Variants in DCLK1 observed in about 807,000 individuals in gnomAD.
DCLK1 encodes the protein serine/threonine-protein kinase DCLK1.
Under a neutral mutation model 86.2 loss-of-function variants are expected in DCLK1, and 16 were observed. The ratio of observed to expected loss-of-function variants is 0.19; its 90% CI spans 0.13 to 0.28. The LOEUF (loss-of-function observed/expected upper bound fraction) is 0.28. Ranked by LOEUF, DCLK1 falls within the 10% of genes least tolerant of loss-of-function variation. The pLI is 1.00. For missense variants in DCLK1, 590 were observed against 940.2 expected (o/e 0.63, Z 4.87); for synonymous variants, 369 against 370.5 (o/e 1.00, Z 0.05).
intron 3 of DCLK1, among the ~76,000 whole-genome samples, chr13:36,065,268 G>T (rs1276195023): frequency 7.9e-5 from 12 of 152,176 alleles, no homozygotes; most frequent in Admixed American, 3.3e-4. Context: ...ACATCTTACA[G>T]GGTTGTTGTG....
At chr13:36,003,917 T>G (rs1880835184) in intron 3 of DCLK1, among the ~76,000 whole-genome samples, 1 of 152,234 alleles carries the variant, frequency 6.6e-6, no homozygotes, top group Admixed American at 6.5e-5. Flanking sequence ...AAAATTTAAG[T>G]TTTCTTATTA....
chr13:35,858,002 G>A (rs72652884), intron 5 of DCLK1, among the ~76,000 whole-genome samples: 2,425 of 152,266 alleles, frequency 0.016, 23 homozygotes, highest in Middle Eastern at 0.051. Flanking sequence ...TATCCAAAGG[G>A]CAATGAGAAG....
rs1329092166 is a variant in DCLK1 at position 35,769,537 on chromosome 13, A to C, written c.*4998T>G. On this transcript the variant is annotated 3_prime_UTR_variant, in exon 17 of 17. Coordinates refer to ENST00000360631, the MANE Select transcript of DCLK1 (RefSeq NM_001330071.2). ...CAATTTCTTTTTATTTTTTCTGAGA[A>C]TACACCAAAGATTAATGTCAATGGC... 1.3e-5 allele frequency: 2 copies of C among 152,176 alleles called. No individual in the cohort carries two copies. Among genetic ancestry groups the C allele is most frequent in the Non-Finnish European group, 2.9e-5 (2 of 68,020 alleles). The allele number at this position is 152,176 out of a possible 1,614,324, so 9.4% of individuals were successfully genotyped here. A position where few individuals can be genotyped will look rare whatever the true frequency, so the allele number is the denominator to read the frequency against.
intron 3 of DCLK1, among the ~76,000 whole-genome samples, chr13:36,059,097 T>C (rs1264152724): frequency 1.3e-5 from 2 of 152,184 alleles, no homozygotes; most frequent in African/African-American, 4.8e-5. Context: ...CCAAATCAGA[T>C]GGCAAATCAT....
chr13:35,796,239 T>C, intron 15 of DCLK1, among the ~76,000 whole-genome samples: 1 of 152,146 alleles, frequency 6.6e-6, no homozygotes, highest in East Asian at 1.9e-4. Context: ...GGCAAAATGA[T>C]CAAATGAGCT....
intron 15 of DCLK1, among the ~76,000 whole-genome samples, chr13:35,799,840 C>A (rs2086884172): frequency 1.3e-5 from 2 of 152,104 alleles, no homozygotes; most frequent in African/African-American, 4.8e-5. Flanking sequence ...AGTGACTCAA[C>A]CCCCTTTCTA....
chr13:35,813,731 T>C (rs1350981340), intron 11 of DCLK1, among the ~76,000 whole-genome samples: 8 of 62,528 alleles, frequency 1.3e-4, no homozygotes, highest in African/African-American at 4.6e-4. Flanking sequence ...CCCGCCCCGC[T>C]TTTTTTTTTT....
intron 4 of DCLK1, among the ~76,000 whole-genome samples, chr13:35,943,965 C>T (rs890815771): frequency 2.0e-5 from 3 of 152,176 alleles, no homozygotes; most frequent in Non-Finnish European, 2.9e-5. Context: ...TAGCCACCAT[C>T]TCCAAGGTGC....
chr13:35,976,525 G>GTTTTT lies in DCLK1; in HGVS notation c.724-29073_724-29069dup, dbSNP rs11294824. On this transcript the variant is annotated intron_variant, in intron 3 of 16. Coordinates refer to ENST00000360631, the MANE Select transcript of DCLK1 (RefSeq NM_001330071.2). ...CTCCCAGCACTTCAGCTTCTCCGAG[G>GTTTTT]TTTTTTTTTTTTTTTTTTTTTTTGA... Among the ~76,000 whole-genome samples, 113 of 56,368 alleles carry GTTTTT rather than the reference G, an allele frequency of 2.0e-3. 12 individuals carry two copies. The highest frequency in any genetic ancestry group is 0.012 in the Admixed American group (40 of 3,268). The allele number at this position is 56,368 out of a possible 152,430, so 37.0% of individuals were successfully genotyped here.
intron 16 of DCLK1, among the ~76,000 whole-genome samples, 178 bp downstream of exon 16, chr13:35,793,188 A>C (rs1311598436): frequency 6.6e-6 from 1 of 152,192 alleles, no homozygotes; most frequent in African/African-American, 2.4e-5. Context: ...CAGGGAAATG[A>C]TCTGCAGAAA....
chr13:35,848,887 C>A (rs1411532558), intron 6 of DCLK1: 4 of 985,202 alleles, frequency 4.1e-6, no homozygotes, highest in Non-Finnish European at 4.8e-6. Flanking sequence ...GCATAGGCAA[C>A]CTCACAGATG....
At chr13:35,918,755 T>G (rs1875586504) in intron 4 of DCLK1, among the ~76,000 whole-genome samples, 3 of 152,020 alleles carry the variant, frequency 2.0e-5, no homozygotes, top group African/African-American at 7.2e-5. Flanking sequence ...ACCTCACAGA[T>G]AGTTGCACAG....
At position 35,844,952 on chromosome 13, in the gene DCLK1, T is replaced by C. The variant is rs190755394; in HGVS notation, c.1036-5776A>G. 1.5e-3 allele frequency among the ~76,000 whole-genome samples: 230 copies of C among 152,318 alleles called. 2 individuals are homozygous for C. In the Middle Eastern group the frequency reaches 0.024, roughly 16 times the overall value. On this transcript the variant is annotated intron_variant, in intron 6 of 16. Transcript: ENST00000360631. ...TGGAACTTAAATGGTAATTGCAATATAAAATATTTTTTCGTCTGGGTACAG... is the reference window on the plus strand; with the variant it reads ...TGGAACTTAAATGGTAATTGCAATACAAAATATTTTTTCGTCTGGGTACAG...
intron 4 of DCLK1, among the ~76,000 whole-genome samples, chr13:35,943,208 G>T (rs1213902911): frequency 6.6e-6 from 1 of 152,142 alleles, no homozygotes; most frequent in Non-Finnish European, 1.5e-5. Context: ...ACATGAAGAT[G>T]GAGGTGGAGA....
Position 36,131,156 on chromosome 13 carries a change from TG to T in DCLK1, c.-63del, listed in dbSNP as rs1370117064. On this transcript the variant is annotated 5_prime_UTR_variant, in exon 1 of 17. Coordinates refer to ENST00000360631, the MANE Select transcript of DCLK1 (RefSeq NM_001330071.2). ...CCGCCGGGGGTCTTTGTGGCCGCGC[TG>T]GGGGCCGCCTCCTGGTGCTGTCCTC... 1 of 151,124 alleles carries T rather than the reference TG, an allele frequency of 6.6e-6. No individual in the cohort carries two copies. Among genetic ancestry groups the T allele is most frequent in the Non-Finnish European group, 1.5e-5 (1 of 67,428 alleles). The allele number at this position is 151,124 out of a possible 1,614,324, so 9.4% of individuals were successfully genotyped here.
chr13:36,008,080 A>G (rs1375552711), intron 3 of DCLK1, among the ~76,000 whole-genome samples: 1 of 148,746 alleles, frequency 6.7e-6, no homozygotes, highest in Non-Finnish European at 1.5e-5. Context: ...AATGCCTATC[A>G]TTTCCAATCA....
intron 3 of DCLK1, among the ~76,000 whole-genome samples, chr13:35,977,341 G>A (rs1879400846): frequency 6.6e-6 from 1 of 152,088 alleles, no homozygotes; most frequent in South Asian, 2.1e-4. Flanking sequence ...TCCTTGGGGT[G>A]GGCAGGAGGG....
chr13:35,837,308 A>T (rs1381428066), intron 7 of DCLK1, among the ~76,000 whole-genome samples: 1 of 152,184 alleles, frequency 6.6e-6, no homozygotes, highest in Non-Finnish European at 1.5e-5. Context: ...CAAATGTAGG[A>T]CATTTGCTGC....
chr13:35,879,215 C>T (rs9574765), intron 4 of DCLK1, among the ~76,000 whole-genome samples: 12,820 of 152,220 alleles, frequency 0.084, 899 homozygotes, highest in South Asian at 0.29. Flanking sequence ...TTTAAAAGTA[C>T]CTTCTAAAAA....
Sources: gnomAD v4.1 joint callset for allele counts (sites outside exome capture counted in the v4.1 genomes callset) on GRCh38, gnomAD v4.1.1 for gene constraint, MANE v1.5 for transcripts, NCBI Gene and HGNC (gene_info 2026-07-23, HGNC 2026-07-21) for gene names.